FKBP9: variants seen among roughly 807,000 people sequenced by gnomAD.
FKBP9 encodes the protein peptidyl-prolyl cis-trans isomerase FKBP9.
FKBP9 carries 27 observed loss-of-function variants against 55.6 expected under a neutral mutation model. That is an observed-to-expected ratio of 0.49 (90% CI 0.36 to 0.67). The LOEUF (loss-of-function observed/expected upper bound fraction) is 0.67. Among genes scored for constraint, FKBP9 ranks in the 30% least tolerant of loss-of-function variants. FKBP9 has a pLI of 0.00. For synonymous variants in FKBP9, 267 were observed against 296.5 expected (o/e 0.90, Z 1.02); for missense variants, 539 against 742.8 (o/e 0.73, Z 3.19).
intron 6 of FKBP9, among the ~76,000 whole-genome samples, chr7:32,995,872 G>A (rs1784774759): frequency 6.6e-6 from 1 of 152,246 alleles, no homozygotes; most frequent in Non-Finnish European, 1.5e-5. Flanking sequence ...CAGGCTCAAC[G>A]ATTCCATGGG....
At chr7:32,973,488 G>A (rs1026258325) in intron 1 of FKBP9, among the ~76,000 whole-genome samples, 2 of 151,614 alleles carry the variant, frequency 1.3e-5, no homozygotes, top group African/African-American at 2.4e-5. Flanking sequence ...TTGCAGTGGA[G>A]GAAACTGAGG....
rs1785014018 is a variant in FKBP9 at position 33,005,289 on chromosome 7, G to A, written c.1651G>A (p.Gly551Arg). 1.2e-6 allele frequency: 2 copies of A among 1,614,110 alleles called. No individual in the cohort carries two copies. The highest frequency in any genetic ancestry group is 1.7e-6 in the Non-Finnish European group (2 of 1,180,042). ...MFTNQDRNGDGKVTAEEFKLK... is the reference protein window; with the variant it reads ...MFTNQDRNGDRKVTAEEFKLK... ...CACCAACCAGGACCGGAATGGAGAT[G>A]GGAAGGTCACAGCCGAGGAATTTAA... The change falls in exon 10 of 10, where the codon GGG (glycine) becomes AGG (arginine). Residue 551 changes from glycine (G) to arginine (R), a missense_variant. Physicochemically the swap from Gly to Arg is moderately radical, Grantham distance 125 (BLOSUM62 -2). Coordinates refer to ENST00000242209, the MANE Select transcript of FKBP9 (RefSeq NM_007270.5).
At position 32,975,980 on chromosome 7, in the gene FKBP9, G is replaced by A. The variant is rs567844895; in HGVS notation, c.558-374G>A. Among the ~76,000 whole-genome samples, 22 of 152,264 alleles carry A rather than the reference G, an allele frequency of 1.4e-4. No individual in the cohort carries two copies. In the South Asian group the frequency reaches 2.5e-3, roughly 17 times the overall value. On this transcript the variant is annotated intron_variant, in intron 3 of 9. Coordinates refer to ENST00000242209, the MANE Select transcript of FKBP9 (RefSeq NM_007270.5). ...TCTATTTCTAAGGAGGCTTATGCACGTTTTGGTTCCTTTTTATAGTTTTCC... is the reference window on the plus strand; with the variant it reads ...TCTATTTCTAAGGAGGCTTATGCACATTTTGGTTCCTTTTTATAGTTTTCC...
At chr7:32,962,119 A>G (rs1308542930) in intron 1 of FKBP9, among the ~76,000 whole-genome samples, 1 of 152,166 alleles carries the variant, frequency 6.6e-6, no homozygotes, top group Non-Finnish European at 1.5e-5. Flanking sequence ...AGACTCAGCC[A>G]GGCACGGTGG....
At chr7:32,965,834 T>TATGTGTACAC (rs1554284341) in intron 1 of FKBP9, among the ~76,000 whole-genome samples, 1,644 of 52,972 alleles carry the variant, frequency 0.031, 44 homozygotes, top group East Asian at 0.09. Context: ...TATATATATA[T>TATGTGTACAC]ATATATATAT....
At chr7:32,968,479 A>G (rs1784190735) in intron 1 of FKBP9, among the ~76,000 whole-genome samples, 1 of 151,964 alleles carries the variant, frequency 6.6e-6, no homozygotes, top group Non-Finnish European at 1.5e-5. Context: ...ATTTCTCCAT[A>G]TCCTCTCCAT....
chr7:32,989,999 T>A (rs1784650588), intron 6 of FKBP9, among the ~76,000 whole-genome samples: 1 of 152,090 alleles, frequency 6.6e-6, no homozygotes, highest in Non-Finnish European at 1.5e-5. Flanking sequence ...AAAGCAATTT[T>A]TTTTTTTTTG....
intron 1 of FKBP9, among the ~76,000 whole-genome samples, chr7:32,962,115 A>G (rs1784037416): frequency 6.6e-6 from 1 of 152,144 alleles, no homozygotes; most frequent in Non-Finnish European, 1.5e-5. Flanking sequence ...TCACAGACTC[A>G]GCCAGGCACG....
intron 8 of FKBP9, among the ~76,000 whole-genome samples, chr7:33,002,410 G>A (rs1283729067): frequency 6.6e-6 from 1 of 152,164 alleles, no homozygotes; most frequent in Non-Finnish European, 1.5e-5. Flanking sequence ...TGGAATTATA[G>A]GCGTGAGCCA....
chr7:32,995,330 T>C (rs933221436), intron 6 of FKBP9, among the ~76,000 whole-genome samples: 11 of 152,150 alleles, frequency 7.2e-5, no homozygotes, highest in African/African-American at 1.4e-4. Context: ...GGTAACATGA[T>C]TTTAAAATAT....
rs1784127683 is a variant in FKBP9 at position 32,965,823 on chromosome 7, ATATATATATATATATATATATG to A, written c.221+8031_221+8052del. ...AAAAAAAAAAAAAAAATATATATATATATATATATATATATATATATGTGTGTACAGATATATATATATACAT... is the reference window on the plus strand; with the variant it reads ...AAAAAAAAAAAAAAAATATATATATATGTGTACAGATATATATATATACAT... On this transcript the variant is annotated intron_variant, in intron 1 of 9. Transcript: ENST00000242209. 2.2e-4 allele frequency among the ~76,000 whole-genome samples: 4 copies of A among 18,342 alleles called. 1 individual carries two copies. Among genetic ancestry groups the A allele is most frequent in the African/African-American group, 6.6e-4 (3 of 4,576 alleles). 12.0% of individuals were successfully genotyped at this position (18,342 alleles called of 152,430 possible). A position where few individuals can be genotyped will look rare whatever the true frequency, so the allele number is the denominator to read the frequency against.
At chr7:32,964,807 G>A (rs1784100213) in intron 1 of FKBP9, among the ~76,000 whole-genome samples, 2 of 152,190 alleles carry the variant, frequency 1.3e-5, no homozygotes, top group African/African-American at 2.4e-5. Context: ...AGAGGGAGGT[G>A]TTAGGCAGAA....
intron 1 of FKBP9, among the ~76,000 whole-genome samples, chr7:32,961,081 T>C (rs1330808960): frequency 6.6e-6 from 1 of 152,192 alleles, no homozygotes; most frequent in Non-Finnish European, 1.5e-5. Context: ...TCCACCCATG[T>C]ATATGACAGA....
rs532391350 is a variant in FKBP9 at position 32,999,870 on chromosome 7, T to G, written c.1227-245T>G. On this transcript the variant is annotated intron_variant, in intron 7 of 9. Transcript: ENST00000242209. Reference sequence around the variant, plus strand: ...CAAAAAGGACCCCATTCCACTATGCTTCTCCACTCTGGAACTTCCACAGTC... The same window carrying G: ...CAAAAAGGACCCCATTCCACTATGCGTCTCCACTCTGGAACTTCCACAGTC... Among the ~76,000 whole-genome samples the G allele has an allele frequency of 2.0e-5, 3 of 152,236 alleles. No individual in the cohort carries two copies. In the East Asian group the frequency reaches 5.8e-4, roughly 29 times the overall value.
intron 6 of FKBP9, among the ~76,000 whole-genome samples, chr7:32,991,806 C>T (rs932076765): frequency 1.3e-5 from 2 of 152,146 alleles, no homozygotes; most frequent in African/African-American, 4.8e-5. Flanking sequence ...GTAAGCATCA[C>T]TTCATCGATG....
intron 5 of FKBP9, among the ~76,000 whole-genome samples, chr7:32,988,167 G>A (rs1261153484): frequency 3.3e-5 from 5 of 152,202 alleles, no homozygotes; most frequent in African/African-American, 1.2e-4. Context: ...CTGGGTGACA[G>A]AGTGAGACCT....
At chr7:32,987,968 C>T (rs372110058) in intron 5 of FKBP9, among the ~76,000 whole-genome samples, 50 of 152,030 alleles carry the variant, frequency 3.3e-4, no homozygotes, top group African/African-American at 1.1e-3. Context: ...TCACTTGATC[C>T]AGGAGCTCAA....
At chr7:32,973,694 T>TG (rs1562565536) in intron 1 of FKBP9, among the ~76,000 whole-genome samples, 6 of 70,688 alleles carry the variant, frequency 8.5e-5, no homozygotes, top group Admixed American at 1.3e-4. Flanking sequence ...TTTTTTTTTT[T>TG]TTTTTTTTTT....
At chr7:33,003,222 T>G (rs2953608) in intron 9 of FKBP9, among the ~76,000 whole-genome samples, 27,777 of 151,984 alleles carry the variant, frequency 0.18, 2,789 homozygotes, top group East Asian at 0.29. Flanking sequence ...AGGTCACACA[T>G]CTACTCAGTT....
Sources: allele counts gnomAD v4.1 joint callset (sites outside exome capture counted in the v4.1 genomes callset), GRCh38; gene constraint gnomAD v4.1.1; transcripts MANE v1.5; gene names NCBI Gene and HGNC (gene_info 2026-07-23, HGNC 2026-07-21).